GLB1: variants seen among roughly 807,000 people sequenced by gnomAD.
The protein encoded by GLB1 is beta-galactosidase.
GLB1 carries 56 observed loss-of-function variants against 74.0 expected under a neutral mutation model. The observed-to-expected ratio is 0.76, with a 90% confidence interval of 0.61 to 0.94. GLB1 has a LOEUF of 0.94. Ranked by LOEUF, GLB1 falls within the 40% of genes least tolerant of loss-of-function variation. The pLI, the probability that GLB1 is intolerant of heterozygous loss-of-function variation, is 0.00. For synonymous variants in GLB1, 323 were observed against 323.6 expected, an observed-to-expected ratio of 1.00 and a Z score of 0.02; for missense variants, 787 against 845.5, an observed-to-expected ratio of 0.93 and a Z score of 0.86.
intron 1 of GLB1, among the ~76,000 whole-genome samples, chr3:33,075,387 G>A (rs1448636076): frequency 6.6e-6 from 1 of 152,198 alleles, no homozygotes; most frequent in African/African-American, 2.4e-5. Context: ...GGGAGACAAT[G>A]GAATCTGGCC....
At chr3:32,971,293 C>T in the GLB1 span, among the ~76,000 whole-genome samples, 1 of 152,178 alleles carries the variant, frequency 6.6e-6, no homozygotes, top group East Asian at 1.9e-4. Flanking sequence ...AGGAGCAGGC[C>T]TTGGAGTTCC....
intron 1 of GLB1, among the ~76,000 whole-genome samples, chr3:33,084,465 G>A (rs1378441403): frequency 3.9e-5 from 6 of 152,176 alleles, no homozygotes; most frequent in Non-Finnish European, 8.8e-5. Flanking sequence ...ATATGGAGAT[G>A]GAAGAATCTG....
the GLB1 span, among the ~76,000 whole-genome samples, chr3:32,965,267 AACTT>A: frequency 6.6e-6 from 1 of 152,192 alleles, no homozygotes; most frequent in Non-Finnish European, 1.5e-5. Flanking sequence ...GAAAGTTTGG[AACTT>A]CCTGGAGACT....
At chr3:33,072,419 GAACATCACAC>G in intron 2 of GLB1, 115 bp downstream of exon 2, 1 of 1,466,008 alleles carries the variant, frequency 6.8e-7, no homozygotes, top group Non-Finnish European at 9.3e-7. Context: ...GCCCCTCCCA[GAACATCACAC>G]TGGACCATTT....
chr3:33,060,855 G>A (rs1006356341), intron 5 of GLB1, among the ~76,000 whole-genome samples: 5 of 152,036 alleles, frequency 3.3e-5, no homozygotes, highest in South Asian at 2.1e-4. Context: ...TACCTAACTC[G>A]ATGGGTTATC....
At chr3:33,021,201 G>A (rs1230278056) in intron 12 of GLB1, 1 of 304,458 alleles carries the variant, frequency 3.3e-6, no homozygotes, top group Non-Finnish European at 6.3e-6. Flanking sequence ...ATTGAACTAA[G>A]AACAAATAAT....
intron 15 of GLB1, 141 bp downstream of exon 15, chr3:33,013,914 TC>T (rs1368231217): frequency 6.8e-7 from 1 of 1,474,480 alleles, no homozygotes; most frequent in Non-Finnish European, 9.2e-7. Flanking sequence ...TCTGCCACAA[TC>T]CGCCTCCTGA....
intron 12 of GLB1, 90 bp from the exon 13 acceptor site, chr3:33,018,651 T>G: frequency 7.4e-7 from 1 of 1,359,782 alleles, no homozygotes; most frequent in Non-Finnish European, 1.0e-6. Context: ...AAGCGATGTT[T>G]CTCAAACCAT....
chr3:33,037,256 G>A (rs1192534565), intron 10 of GLB1, among the ~76,000 whole-genome samples: 1 of 151,982 alleles, frequency 6.6e-6, no homozygotes, highest in Non-Finnish European at 1.5e-5. Context: ...ATTTTGGCCA[G>A]GCTGGTCTCG....
In GLB1 at chr3:33,074,377, G is replaced by GAAAGAAAGA. The variant is rs1559412898; in HGVS notation, c.76-1665_76-1664insTCTTTCTTT. Among the ~76,000 whole-genome samples the GAAAGAAAGA allele has an allele frequency of 4.1e-3, 34 of 8,194 alleles. 5 individuals are homozygous for GAAAGAAAGA. In the East Asian group the frequency reaches 0.4, roughly 96 times the overall value. 5.4% of individuals were successfully genotyped at this position (8,194 alleles called of 152,430 possible). On this transcript the variant is annotated intron_variant, in intron 1 of 15. Transcript: ENST00000307363. ...GGAAGGAAGGAAGGAAGGAAGGAAGGAAGGAAGGAAGGAAGAAAGAAAGAA... is the reference window on the plus strand; with the variant it reads ...GGAAGGAAGGAAGGAAGGAAGGAAGGAAAGAAAGAAAGGAAGGAAGGAAGAAAGAAAGAA...
chr3:32,972,096 C>A, the GLB1 span, among the ~76,000 whole-genome samples: 1 of 152,078 alleles, frequency 6.6e-6, no homozygotes, highest in Non-Finnish European at 1.5e-5. Context: ...CTGAAAGAAT[C>A]ATTAAATACT....
the GLB1 span, among the ~76,000 whole-genome samples, chr3:32,983,955 G>A: frequency 1.3e-5 from 2 of 152,098 alleles, no homozygotes; most frequent in African/African-American, 2.4e-5. Context: ...AAAGTGCTGG[G>A]ATTACAGGCC....
Position 33,087,609 on chromosome 3 carries a change from A to G in GLB1, c.75+9402T>C, listed in dbSNP as rs200156162. ...CACACACACACACACACACACACAC[A>G]CACACACACACACACACACACTCAA... On this transcript the variant is annotated intron_variant, in intron 1 of 15. Coordinates refer to ENST00000307363, the MANE Select transcript of GLB1 (RefSeq NM_000404.4). Among the ~76,000 whole-genome samples, 1,248 of 151,770 alleles carry G rather than the reference A, an allele frequency of 8.2e-3. 14 individuals are homozygous for G. Among genetic ancestry groups the G allele is most frequent in the African/African-American group, 0.025 (1,029 of 41,314 alleles).
At chr3:33,079,738 C>A (rs373605240) in intron 1 of GLB1, among the ~76,000 whole-genome samples, 5 of 152,188 alleles carry the variant, frequency 3.3e-5, no homozygotes, top group African/African-American at 1.2e-4. Context: ...GATATCCCAG[C>A]ACTTTGGGAG....
At chr3:33,063,464 C>T (rs1699534492) in intron 5 of GLB1, among the ~76,000 whole-genome samples, 1 of 152,070 alleles carries the variant, frequency 6.6e-6, no homozygotes, top group Admixed American at 6.6e-5. Flanking sequence ...AGTCACCTGG[C>T]AGGACCCAGG....
chr3:33,033,821 C>A (rs1244735209), intron 10 of GLB1: 2 of 323,996 alleles, frequency 6.2e-6, no homozygotes, highest in East Asian at 9.0e-5. Flanking sequence ...GGGGAGGCAC[C>A]ACCAGGAGCT....
chr3:33,095,378 T>C (rs776133989), intron 1 of GLB1, among the ~76,000 whole-genome samples: 6 of 151,466 alleles, frequency 4.0e-5, no homozygotes, highest in Non-Finnish European at 5.9e-5. Flanking sequence ...AGAAAAAAAT[T>C]AGTCGGGTGT....
chr3:32,983,851 T>TTA, the GLB1 span, among the ~76,000 whole-genome samples: 2 of 149,032 alleles, frequency 1.3e-5, no homozygotes, highest in African/African-American at 4.9e-5. Context: ...AGCTAATTTT[T>TTA]AAATTTTTTT....
intron 1 of GLB1, among the ~76,000 whole-genome samples, chr3:33,088,127 G>T (rs1171534545): frequency 1.3e-5 from 2 of 151,840 alleles, no homozygotes; most frequent in African/African-American, 4.8e-5. Flanking sequence ...ACATCATAAA[G>T]CCCACATGTG....
Sources: allele counts gnomAD v4.1 joint callset (sites outside exome capture counted in the v4.1 genomes callset), GRCh38; gene constraint gnomAD v4.1.1; transcripts MANE v1.5; gene names NCBI Gene and HGNC (gene_info 2026-07-23, HGNC 2026-07-21).